DMD: variants seen among roughly 807,000 people sequenced by gnomAD.
DMD encodes the protein mutant dystrophin.
A neutral mutation model predicts 330.1 loss-of-function variants in DMD; 63 were observed. The ratio of observed to expected loss-of-function variants is 0.19; its 90% CI spans 0.16 to 0.24. The LOEUF is 0.24. DMD is among the 10% of genes least tolerant of loss of function. The pLI, the probability that DMD is intolerant of heterozygous loss-of-function variation, is 1.00. For synonymous variants in DMD, 1,223 were observed against 959.8 expected, an observed-to-expected ratio of 1.27 and a Z score of -5.07; for missense variants, 3,344 against 2,684.1, an observed-to-expected ratio of 1.25 and a Z score of -5.43.
At chrX:32,763,959 A>G (rs1432501065) in intron 7 of DMD, among the ~76,000 whole-genome samples, 3 of 111,715 alleles carry the variant, frequency 2.7e-5, no homozygotes, top group African/African-American at 6.5e-5. Flanking sequence ...GCACACAACA[A>G]CAGTATGCTA....
chrX:32,687,171 C>G (rs1026415268), intron 9 of DMD, among the ~76,000 whole-genome samples: 1 of 111,917 alleles, frequency 8.9e-6, no homozygotes, highest in Non-Finnish European at 1.9e-5. Flanking sequence ...AATCAGGAGC[C>G]TGGATATTTG....
Position 31,242,122 on chromosome X carries a change from G to A in DMD, c.9286+18833C>T, listed in dbSNP as rs768596608. 1.0e-4 allele frequency among the ~76,000 whole-genome samples: 11 copies of A among 108,765 alleles called. No individual in the cohort carries two copies. In the East Asian group the frequency reaches 1.2e-3, roughly 11 times the overall value. 94.4% of individuals were successfully genotyped at this position (108,765 alleles called of 115,157 possible). On this transcript the variant is annotated intron_variant, in intron 63 of 78. Coordinates refer to ENST00000357033, the MANE Select transcript of DMD (RefSeq NM_004006.3). ...AATACAAAAATTAGCCAGGTATGGC[G>A]GTGTGTGCCTGTAGTCCCAGCTGCC... is the stretch of plus-strand genomic sequence containing the variant.
At chrX:31,213,928 G>C (rs1182570641) in intron 64 of DMD, among the ~76,000 whole-genome samples, 2 of 112,487 alleles carry the variant, frequency 1.8e-5, no homozygotes, top group Admixed American at 1.9e-4. Flanking sequence ...AAGTAACACA[G>C]GCTTTGAAAT....
chrX:31,152,006 C>T (rs1469298289), intron 74 of DMD, among the ~76,000 whole-genome samples: 1 of 111,820 alleles, frequency 8.9e-6, no homozygotes, highest in African/African-American at 3.3e-5. Context: ...ATTCCCTTGC[C>T]TTCTCTGACA....
intron 26 of DMD, among the ~76,000 whole-genome samples, chrX:32,450,659 T>C (rs1435619551): frequency 9.0e-6 from 1 of 110,733 alleles, no homozygotes; most frequent in African/African-American, 3.3e-5. Flanking sequence ...TTTAAGGAAA[T>C]CATCCTCAGA....
chrX:32,789,375 T>C (rs776060338), intron 7 of DMD, among the ~76,000 whole-genome samples: 227 of 112,124 alleles, frequency 2.0e-3, no homozygotes, highest in Non-Finnish European at 3.4e-3. Context: ...AGATTCTGGA[T>C]CTTATCCTAT....
At chrX:33,226,205 A>C (rs932953983) in intron 1 of DMD, among the ~76,000 whole-genome samples, 3 of 111,493 alleles carry the variant, frequency 2.7e-5, no homozygotes, top group African/African-American at 9.7e-5. Flanking sequence ...ACAGCCCAGA[A>C]ATTTCATTCC....
At chrX:32,841,862 T>C (rs1437646023) in intron 4 of DMD, among the ~76,000 whole-genome samples, 2 of 112,075 alleles carry the variant, frequency 1.8e-5, no homozygotes, top group African/African-American at 6.5e-5. Context: ...AACTTGTTTT[T>C]ATTAATATTA....
chrX:31,380,320 A>T (rs1330185036), intron 60 of DMD, among the ~76,000 whole-genome samples: 2 of 109,727 alleles, frequency 1.8e-5, no homozygotes, highest in African/African-American at 3.3e-5. Flanking sequence ...CTAGAGCCAC[A>T]CCTCATTGCC....
At chrX:32,807,132 A>T (rs901435549) in intron 7 of DMD, among the ~76,000 whole-genome samples, 1 of 103,511 alleles carries the variant, frequency 9.7e-6, no homozygotes, top group Non-Finnish European at 2.0e-5. Context: ...TAAAAAAAAA[A>T]AAAAAAAAAA....
intron 7 of DMD, among the ~76,000 whole-genome samples, chrX:32,722,317 G>A (rs2066411987): frequency 9.0e-6 from 1 of 110,634 alleles, no homozygotes; most frequent in Non-Finnish European, 1.9e-5. Flanking sequence ...ATTAATACAA[G>A]TAAAAATAAT....
chrX:33,180,401 C>T (rs1343201330), intron 1 of DMD, among the ~76,000 whole-genome samples: 1 of 111,710 alleles, frequency 9.0e-6, no homozygotes, highest in Non-Finnish European at 1.9e-5. Context: ...AAGCACAATA[C>T]TTGTATACTT....
At chrX:33,237,347 G>A (rs1366442574) in intron 1 of DMD, among the ~76,000 whole-genome samples, 12 of 108,748 alleles carry the variant, frequency 1.1e-4, no homozygotes, top group African/African-American at 2.7e-4. Context: ...AGGTTCAAGC[G>A]ATTCTTCTGC....
intron 34 of DMD, among the ~76,000 whole-genome samples, chrX:32,376,911 T>A (rs1000266841): frequency 3.0e-4 from 33 of 111,451 alleles, no homozygotes; most frequent in African/African-American, 9.8e-4. Flanking sequence ...TAAATATGCT[T>A]ATACTTTTCT....
chrX:31,322,900 T>C (rs1446268649), intron 62 of DMD, among the ~76,000 whole-genome samples: 4 of 111,847 alleles, frequency 3.6e-5, no homozygotes, highest in African/African-American at 1.3e-4. Context: ...AGTTAGACTC[T>C]AGTGCACAAT....
chrX:31,378,369 C>G (rs1263558705), intron 60 of DMD, among the ~76,000 whole-genome samples: 1 of 111,163 alleles, frequency 9.0e-6, no homozygotes, highest in Non-Finnish European at 1.9e-5. Context: ...TATCCCTCAA[C>G]CTCTTTCTCC....
At chrX:32,986,555 T>G (rs1208397572) in intron 2 of DMD, among the ~76,000 whole-genome samples, 1 of 112,173 alleles carries the variant, frequency 8.9e-6, no homozygotes, top group Non-Finnish European at 1.9e-5. Flanking sequence ...AATGCCATTA[T>G]AGTGGAATTT....
Position 32,573,862 on chromosome X carries a change from T to C in DMD, c.1603-16A>G, listed in dbSNP as rs767885995. 2.6e-6 allele frequency: 3 copies of C among 1,168,739 alleles called. No homozygotes were observed. Among genetic ancestry groups the C allele is most frequent in the Admixed American group, 4.4e-5 (2 of 45,804 alleles). ...CTCCCAATACCTGGAGAAGAGACAA[T>C]CAAGCACAGCATCAGCAAACAATTG... On this transcript the variant is annotated splice_polypyrimidine_tract_variant and intron_variant, in intron 13 of 78. Coordinates refer to ENST00000357033, the MANE Select transcript of DMD (RefSeq NM_004006.3).
At chrX:32,648,899 T>G (rs759282515) in intron 9 of DMD, among the ~76,000 whole-genome samples, 1 of 111,534 alleles carries the variant, frequency 9.0e-6, no homozygotes. Context: ...TCTAGGAAAG[T>G]TGGTTTTTGT....
Sources: gnomAD v4.1 joint callset for allele counts (sites outside exome capture counted in the v4.1 genomes callset) on GRCh38, gnomAD v4.1.1 for gene constraint, MANE v1.5 for transcripts, NCBI Gene and HGNC (gene_info 2026-07-23, HGNC 2026-07-21) for gene names.